Variants in TTC28 observed in about 807,000 individuals in gnomAD.
TTC28 encodes the protein tetratricopeptide repeat domain 28, also known as tetratricopeptide repeat protein 28.
Under a neutral mutation model 198.0 loss-of-function variants are expected in TTC28, and 61 were observed. That is an observed-to-expected ratio of 0.31 (90% CI 0.25 to 0.38). TTC28 has a LOEUF of 0.38. Among genes scored for constraint, TTC28 ranks in the 10% least tolerant of loss-of-function variants. The probability of loss-of-function intolerance (pLI) is 1.00; values close to 1 mark genes in which losing one functional copy is unlikely to be tolerated. For synonymous variants in TTC28, 1,171 were observed against 1,297.8 expected (o/e 0.90, Z 2.10); for missense variants, 2,678 against 3,164.0 (o/e 0.85, Z 3.69).
chr22:28,249,887 T>A (rs1930396764), intron 5 of TTC28, among the ~76,000 whole-genome samples: 1 of 152,236 alleles, frequency 6.6e-6, no homozygotes, highest in South Asian at 2.1e-4. Flanking sequence ...AGCCATTCAC[T>A]GTTTCATGTT....
intron 2 of TTC28, among the ~76,000 whole-genome samples, chr22:28,598,410 G>A (rs113403999): frequency 0.17 from 24,915 of 150,000 alleles, 2,780 homozygotes; most frequent in Non-Finnish European, 0.25. Context: ...TTGGGAGGCT[G>A]AGGCAGGAGA....
At chr22:28,398,124 A>T (rs1458837958) in intron 2 of TTC28, among the ~76,000 whole-genome samples, 1 of 152,224 alleles carries the variant, frequency 6.6e-6, no homozygotes, top group Admixed American at 6.5e-5. Context: ...TCAGGCTAGA[A>T]CACTGGTCCC....
chr22:28,362,001 G>A lies in TTC28; in HGVS notation c.382-55358C>T, dbSNP rs144483708. ...ATTGATTTCTTTTCACTGACAACGC[G>A]TCTGGCTACCCAAGAGCTCTGATGG... On this transcript the variant is annotated intron_variant, in intron 2 of 22. Coordinates refer to ENST00000397906, the MANE Select transcript of TTC28 (RefSeq NM_001145418.2). Among the ~76,000 whole-genome samples, 599 of 152,296 alleles carry A rather than the reference G, an allele frequency of 3.9e-3. 2 individuals carry two copies. The highest frequency in any genetic ancestry group is 4.9e-3 in the Non-Finnish European group (335 of 68,028).
chr22:28,169,834 A>C (rs1230055193), intron 5 of TTC28, among the ~76,000 whole-genome samples: 2 of 151,804 alleles, frequency 1.3e-5, no homozygotes, highest in Non-Finnish European at 2.9e-5. Flanking sequence ...AATAAAATAA[A>C]ATAAAATAAA....
chr22:28,059,861 T>C (rs1940442944), intron 12 of TTC28, among the ~76,000 whole-genome samples: 1 of 143,948 alleles, frequency 6.9e-6, no homozygotes, highest in African/African-American at 2.5e-5. Flanking sequence ...TTAATCTGAC[T>C]GAAGGCACTC....
intron 2 of TTC28, among the ~76,000 whole-genome samples, chr22:28,410,913 A>G (rs1454309064): frequency 1.3e-5 from 2 of 152,200 alleles, no homozygotes; most frequent in East Asian, 3.8e-4. Context: ...AAAGTTCAAT[A>G]TACAATATTT....
At position 28,306,484 on chromosome 22, in the gene TTC28, T is replaced by G. The variant is rs1338791779; in HGVS notation, c.529+12A>C. 6.5e-7 allele frequency: 1 copy of G among 1,546,856 alleles called. No homozygotes were observed. Among genetic ancestry groups the G allele is most frequent in the African/African-American group, 1.4e-5 (1 of 72,598 alleles). On this transcript the variant is annotated intron_variant, in intron 3 of 22. Transcript: ENST00000397906. ...AAATTAATGTTATACCAAGTACTTT[T>G]ATCATATTTACCTCTCATGGGAGAT...
intron 2 of TTC28, among the ~76,000 whole-genome samples, chr22:28,595,797 G>A (rs1197106129): frequency 2.6e-5 from 4 of 152,106 alleles, no homozygotes; most frequent in East Asian, 1.9e-4. Context: ...GGTGGCACGC[G>A]CCTCTAGTCC....
chr22:28,623,841 G>T (rs1046735987), intron 2 of TTC28, among the ~76,000 whole-genome samples: 6 of 151,966 alleles, frequency 3.9e-5, no homozygotes, highest in South Asian at 2.1e-4. Context: ...ATATGGAACT[G>T]AATAATAATT....
chr22:28,236,262 C>T (rs751449512), intron 5 of TTC28, among the ~76,000 whole-genome samples: 4 of 152,228 alleles, frequency 2.6e-5, no homozygotes, highest in Non-Finnish European at 5.9e-5. Context: ...GATCCTCCAA[C>T]ACCCTCTTTT....
chr22:28,362,906 T>A (rs1340139474), intron 2 of TTC28, among the ~76,000 whole-genome samples: 1 of 152,070 alleles, frequency 6.6e-6, no homozygotes, highest in African/African-American at 2.4e-5. Context: ...TTCAGTTTTA[T>A]AAGGGAAGCA....
At chr22:28,214,723 G>T (rs1927238391) in intron 5 of TTC28, among the ~76,000 whole-genome samples, 1 of 152,210 alleles carries the variant, frequency 6.6e-6, no homozygotes, top group South Asian at 2.1e-4. Flanking sequence ...AGACAGTGTG[G>T]TGATTTCCCA....
chr22:28,251,601 T>G (rs899072235), intron 5 of TTC28, among the ~76,000 whole-genome samples: 5 of 152,178 alleles, frequency 3.3e-5, no homozygotes, highest in Non-Finnish European at 7.4e-5. Context: ...GTAAAGTGAT[T>G]CACAAATATA....
intron 13 of TTC28, among the ~76,000 whole-genome samples, chr22:28,024,529 G>C (rs1477813174): frequency 2.0e-5 from 3 of 152,190 alleles, no homozygotes; most frequent in Non-Finnish European, 4.4e-5. Flanking sequence ...TGTCAAGAGA[G>C]GGACACAAAC....
rs776756428 is a variant in TTC28, at chr22:28,254,570, C to T, written c.933+41628G>A. On this transcript the variant is annotated intron_variant, in intron 5 of 22. Transcript: ENST00000397906. ...GATAAAATGAAAGTCAATTAGAAGCCATTGAAAAAAAAATGCTTCACTATG... is the reference window on the plus strand; with the variant it reads ...GATAAAATGAAAGTCAATTAGAAGCTATTGAAAAAAAAATGCTTCACTATG... Among the ~76,000 whole-genome samples, 59 of 150,982 alleles carry T rather than the reference C, an allele frequency of 3.9e-4. 1 individual carries two copies. The highest frequency in any genetic ancestry group is 2.6e-4 in the Admixed American group (4 of 15,152).
At chr22:28,323,420 G>C (rs1440710042) in intron 2 of TTC28, among the ~76,000 whole-genome samples, 1 of 152,138 alleles carries the variant, frequency 6.6e-6, no homozygotes, top group Non-Finnish European at 1.5e-5. Flanking sequence ...ATTTAATAAA[G>C]GGATTGAAAT....
At chr22:28,512,051 T>C (rs1277908887) in intron 2 of TTC28, among the ~76,000 whole-genome samples, 2 of 151,838 alleles carry the variant, frequency 1.3e-5, no homozygotes, top group Non-Finnish European at 2.9e-5. Flanking sequence ...TCTATCCATC[T>C]GACGAAGGTC....
At chr22:28,265,944 C>A (rs1931654842) in intron 5 of TTC28, among the ~76,000 whole-genome samples, 1 of 151,960 alleles carries the variant, frequency 6.6e-6, no homozygotes, top group South Asian at 2.1e-4. Flanking sequence ...CTTTGGAAGG[C>A]CAAGGAGGGC....
intron 2 of TTC28, among the ~76,000 whole-genome samples, chr22:28,485,787 A>G (rs995668450): frequency 6.6e-6 from 1 of 152,180 alleles, no homozygotes; most frequent in African/African-American, 2.4e-5. Flanking sequence ...AAGATTGAGT[A>G]ACAAACTACT....
Sources: gnomAD v4.1 joint callset for allele counts (sites outside exome capture counted in the v4.1 genomes callset) on GRCh38, gnomAD v4.1.1 for gene constraint, MANE v1.5 for transcripts, NCBI Gene and HGNC (gene_info 2026-07-23, HGNC 2026-07-21) for gene names.